Variants in MCM10 observed in about 807,000 individuals in gnomAD.
MCM10 encodes protein MCM10 homolog.
A neutral mutation model predicts 109.9 loss-of-function variants in MCM10; 91 were observed. The ratio of observed to expected loss-of-function variants is 0.83; its 90% CI spans 0.70 to 0.99. The LOEUF (loss-of-function observed/expected upper bound fraction) is 0.99. MCM10 is among the 50% of genes least tolerant of loss of function. The pLI is 0.00. For missense variants in MCM10, 1,077 were observed against 1,061.2 expected (o/e 1.01, Z -0.21); for synonymous variants, 380 against 387.2 (o/e 0.98, Z 0.22).
Position 13,192,255 on chromosome 10 carries a change from GA to G in MCM10, c.1519del (p.Ile507TyrfsTer15). 6.2e-7 allele frequency: 1 copy of G among 1,609,206 alleles called. No homozygotes were observed. The highest frequency in any genetic ancestry group is 8.5e-7 in the Non-Finnish European group (1 of 1,175,760). ...LIIQETRQKL[G>X]IPQKSLSCSE... ...TAAAGCTGGTGTTGACCTGGCACAGGAATACCCCAGAAGAGCCTGTCTTGCT... is the reference window on the plus strand; with the variant it reads ...TAAAGCTGGTGTTGACCTGGCACAGGATACCCCAGAAGAGCCTGTCTTGCT... On this transcript the variant is annotated frameshift_variant and splice_region_variant, in exon 12 of 20. Transcript: ENST00000378714. LOFTEE classifies it high-confidence loss of function.
At chr10:13,195,737 A>T (rs377014409) in intron 14 of MCM10, among the ~76,000 whole-genome samples, 8 of 151,936 alleles carry the variant, frequency 5.3e-5, no homozygotes, top group African/African-American at 1.7e-4. Context: ...CAGCCTCCCG[A>T]GTACCTGGGA....
At position 13,164,133 on chromosome 10, in the gene MCM10, A is replaced by T. The variant is rs961392602; in HGVS notation, c.-70A>T. 2.9e-6 allele frequency: 4 copies of T among 1,402,592 alleles called. No individual in the cohort carries two copies. In the African/African-American group the frequency reaches 5.8e-5, roughly 20 times the overall value. The allele number at this position is 1,402,592 out of a possible 1,614,324, so 86.9% of individuals were successfully genotyped here. On this transcript the variant is annotated 5_prime_UTR_variant, in exon 2 of 20. Transcript: ENST00000378714. ...CTAATATTGCTTTCACACAGCCAAG[A>T]TTCTACATTGCTCATCTGGGCATCT...
intron 2 of MCM10, among the ~76,000 whole-genome samples, chr10:13,165,046 C>T (rs572898464): frequency 1.3e-5 from 2 of 152,258 alleles, no homozygotes; most frequent in African/African-American, 2.4e-5. Flanking sequence ...CTGTGATGCA[C>T]AGTGGACCCC....
rs748310370 is a variant in MCM10 at position 13,175,591 on chromosome 10, T to C, written c.674T>C (p.Ile225Thr). Residue 225 changes from isoleucine to threonine, a missense_variant, in exon 6 of 20, where the codon ATA (isoleucine) becomes ACA (threonine). Physicochemically the swap from Ile to Thr is moderately conservative, Grantham distance 89. Coordinates refer to ENST00000378714, the MANE Select transcript of MCM10 (RefSeq NM_018518.5). ...ATTTCTCGGAACAAACCTAGTGGGA[T>C]AACTAGAGGTCAAATTGTGGGGACC... ...QTISRNKPSGITRGQIVGTPG... is the reference protein window; with the variant it reads ...QTISRNKPSGTTRGQIVGTPG... 3.1e-6 allele frequency: 5 copies of C among 1,613,848 alleles called. No individual in the cohort carries two copies. Among genetic ancestry groups the C allele is most frequent in the East Asian group, 2.2e-5 (1 of 44,878 alleles).
chr10:13,169,302 C>T (rs1053490507), intron 2 of MCM10, among the ~76,000 whole-genome samples: 1 of 152,154 alleles, frequency 6.6e-6, no homozygotes, highest in African/African-American at 2.4e-5. Context: ...TCTCTGCTGC[C>T]GAGAGCTCTT....
chr10:13,189,168 G>A (rs1834315755), intron 10 of MCM10, 88 bp downstream of exon 10: 1 of 1,378,002 alleles, frequency 7.3e-7, no homozygotes, highest in African/African-American at 1.4e-5. Flanking sequence ...AACCGTCATA[G>A]GATACTTGTA....
In MCM10 at chr10:13,189,019, C is replaced by T. The variant is rs202032831; in HGVS notation, c.1354C>T (p.Arg452Trp). 5.0e-5 allele frequency: 81 copies of T among 1,614,120 alleles called. No individual in the cohort carries two copies. The highest frequency in any genetic ancestry group is 1.6e-4 in the Middle Eastern group (1 of 6,084). ...CCGCAGAGGCACCAGCCTCAAAGAA[C>T]GGCTGTGCCAAGATGGCTTTTACTA... is the stretch of plus-strand genomic sequence containing the variant. ...FARRGTSLKE[R>W]LCQDGFYYGG... The change falls in exon 10 of 20, where the codon CGG (arginine) becomes TGG (tryptophan). Residue 452 changes from arginine to tryptophan, a missense_variant. Transcript: ENST00000378714.
intron 16 of MCM10, among the ~76,000 whole-genome samples, 174 bp downstream of exon 16, chr10:13,198,981 C>T (rs549466872): frequency 2.5e-4 from 38 of 152,278 alleles, no homozygotes; most frequent in African/African-American, 8.7e-4. Context: ...ATGCAAGCTC[C>T]GCCTCCCAGG....
intron 2 of MCM10, among the ~76,000 whole-genome samples, chr10:13,169,797 C>T (rs548053546): frequency 5.4e-4 from 82 of 152,324 alleles, no homozygotes; most frequent in Non-Finnish European, 8.8e-4. Flanking sequence ...CCTCCACCTC[C>T]CAGGTTCCAT....
At chr10:13,190,426 G>A (rs1231824478) in intron 10 of MCM10, among the ~76,000 whole-genome samples, 1 of 152,176 alleles carries the variant, frequency 6.6e-6, no homozygotes, top group African/African-American at 2.4e-5. Context: ...GCTTACACCT[G>A]TAATCCCAGC....
At chr10:13,191,813 A>G (rs140918151) in intron 11 of MCM10, among the ~76,000 whole-genome samples, 242 of 152,342 alleles carry the variant, frequency 1.6e-3, no homozygotes, top group African/African-American at 5.3e-3. Flanking sequence ...ATCCAGCATT[A>G]GAATCAGCAG....
rs772264671 is a variant in MCM10, at chr10:13,192,353, G to C, written c.1615G>C (p.Ala539Pro). The stretch of plus-strand genomic sequence containing the variant: ...GAACTTAAAACAACATTTAGCCAAA[G>C]CCACAGCTTCAGGTACCATCAGCTG... ...ARNLKQHLAK[A>P]TASGIMGSPK... The change falls in exon 12 of 20, where the codon GCC (alanine) becomes CCC (proline). Residue 539 changes from alanine to proline, a missense_variant. Physicochemically the swap from Ala to Pro is conservative, Grantham distance 27. Coordinates refer to ENST00000378714, the MANE Select transcript of MCM10 (RefSeq NM_018518.5). The C allele has an allele frequency of 6.2e-7, 1 of 1,612,590 alleles. No homozygotes were observed. Among genetic ancestry groups the C allele is most frequent in the Non-Finnish European group, 8.5e-7 (1 of 1,179,440 alleles).
At chr10:13,188,049 G>A (rs1834297276) in intron 9 of MCM10, among the ~76,000 whole-genome samples, 9 of 152,110 alleles carry the variant, frequency 5.9e-5, no homozygotes, top group Admixed American at 3.3e-4. Flanking sequence ...GGAGGCTGAG[G>A]CAGAAGAATC....
At chr10:13,188,564 T>A (rs1324031787) in intron 9 of MCM10, among the ~76,000 whole-genome samples, 2 of 152,076 alleles carry the variant, frequency 1.3e-5, no homozygotes, top group African/African-American at 4.8e-5. Flanking sequence ...GGTCCTATAT[T>A]AAATAACATA....
At chr10:13,199,446 A>G (rs1488698164) in intron 16 of MCM10, among the ~76,000 whole-genome samples, 1 of 152,248 alleles carries the variant, frequency 6.6e-6, no homozygotes, top group Non-Finnish European at 1.5e-5. Context: ...TGCAATATGC[A>G]AAAAGAGTTT....
intron 13 of MCM10, among the ~76,000 whole-genome samples, chr10:13,192,885 C>T (rs1000598142): frequency 2.0e-5 from 3 of 151,704 alleles, no homozygotes; most frequent in African/African-American, 7.3e-5. Context: ...TTTTCTCTCT[C>T]TCTCTCTTTT....
At chr10:13,180,251 TA>T (rs60239568) in intron 6 of MCM10, among the ~76,000 whole-genome samples, 190 bp from the exon 7 acceptor site, 23,129 of 142,564 alleles carry the variant, frequency 0.16, 1,999 homozygotes, top group South Asian at 0.21. Context: ...ACTCCATCTT[TA>T]AAAAAAAAAA....
At position 13,170,876 on chromosome 10, in the gene MCM10, G is replaced by C. The variant is rs201673530; in HGVS notation, c.8-46G>C. On this transcript the variant is annotated intron_variant, in intron 2 of 19. Coordinates refer to ENST00000378714, the MANE Select transcript of MCM10 (RefSeq NM_018518.5). ...TAAATTGCCTAAAGTTGAATGTTTG[G>C]AATTAGCCGTGCTTATTCTCTGTCC... The C allele has an allele frequency of 3.2e-6, 5 of 1,541,868 alleles. No homozygotes were observed. The African/African-American group carries it at 5.5e-5, about 17-fold the overall frequency.
At chr10:13,205,018 A>G (rs1315451053) in intron 18 of MCM10, among the ~76,000 whole-genome samples, 1 of 20,666 alleles carries the variant, frequency 4.8e-5, no homozygotes, top group African/African-American at 9.7e-5. Context: ...ATATATATAT[A>G]TATATATATA....
Sources: allele counts gnomAD v4.1 joint callset (sites outside exome capture counted in the v4.1 genomes callset), GRCh38; gene constraint gnomAD v4.1.1; transcripts MANE v1.5; gene names NCBI Gene and HGNC (gene_info 2026-07-23, HGNC 2026-07-21).